NIN: variants seen among roughly 807,000 people sequenced by gnomAD.
NIN encodes glycogen synthase kinase 3 beta-interacting protein.
Under a neutral mutation model 257.6 loss-of-function variants are expected in NIN, and 137 were observed. That is an observed-to-expected ratio of 0.53 (90% CI 0.46 to 0.61). The LOEUF (loss-of-function observed/expected upper bound fraction) is 0.61, where lower values mean the gene tolerates loss of function less well. NIN is among the 20% of genes least tolerant of loss of function. The pLI, the probability that NIN is intolerant of heterozygous loss-of-function variation, is 0.00. For missense variants in NIN, 2,439 were observed against 2,501.2 expected (o/e 0.98, Z 0.53); for synonymous variants, 918 against 919.8 (o/e 1.00, Z 0.04).
In NIN at chr14:50,762,375, C is replaced by G. The variant is rs145928032; in HGVS notation, c.1775-464G>C. ...CTGCGATGCCCTGAGGAGTTAGCTT[C>G]ATGGGTCACACTATCAACAACCCAT... is the stretch of plus-strand genomic sequence containing the variant. On this transcript the variant is annotated intron_variant, in intron 15 of 30. Transcript: ENST00000530997. Among the ~76,000 whole-genome samples, 438 of 152,270 alleles carry G rather than the reference C, an allele frequency of 2.9e-3. 3 individuals are homozygous for G. Among genetic ancestry groups the G allele is most frequent in the African/African-American group, 0.01 (422 of 41,546 alleles).
chr14:50,770,731 GGT>G, intron 11 of NIN, 119 bp downstream of exon 11: 7 of 1,362,862 alleles, frequency 5.1e-6, no homozygotes, highest in Non-Finnish European at 6.9e-6. Flanking sequence ...ACTCCAGCAA[GGT>G]GTGGCCAACA....
Position 50,787,547 on chromosome 14 carries a change from C to T in NIN, c.435+5165G>A, listed in dbSNP as rs891189383. On this transcript the variant is annotated intron_variant, in intron 5 of 30. Coordinates refer to ENST00000530997, the MANE Select transcript of NIN (RefSeq NM_020921.4). ...CTTAGGTTGGAATCAAGAAGGTGCC[C>T]TTTGTTAGTCTGGATTAATTCAGAA... Among the ~76,000 whole-genome samples, 5 of 152,192 alleles carry T rather than the reference C, an allele frequency of 3.3e-5. No homozygotes were observed. In the East Asian group the frequency reaches 9.6e-4, roughly 29 times the overall value.
intron 16 of NIN, 78 bp from the exon 17 acceptor site, chr14:50,760,437 CTTTTTTTTTTTT>C (rs35995624): frequency 1.4e-5 from 6 of 425,606 alleles, no homozygotes; most frequent in South Asian, 1.1e-4. Flanking sequence ...GCAGCAATTG[CTTTTTTTTTTTT>C]TTTTTTTTTC....
chr14:50,746,937 C>A (rs1029535173), intron 22 of NIN, among the ~76,000 whole-genome samples: 2 of 152,208 alleles, frequency 1.3e-5, no homozygotes, highest in African/African-American at 4.8e-5. Flanking sequence ...TCTCAGCTCA[C>A]TGGAGGCTTG....
intron 28 of NIN, among the ~76,000 whole-genome samples, chr14:50,735,267 G>A (rs1244874368): frequency 6.6e-6 from 1 of 152,220 alleles, no homozygotes; most frequent in Non-Finnish European, 1.5e-5. Context: ...TGAATTTGCA[G>A]AGGTACAGGT....
At chr14:50,732,835 C>G (rs995333693) in intron 28 of NIN, among the ~76,000 whole-genome samples, 2 of 151,746 alleles carry the variant, frequency 1.3e-5, no homozygotes, top group Non-Finnish European at 2.9e-5. Context: ...TCAAGTGATT[C>G]TTCTGCCTCA....
At chr14:50,773,654 T>A (rs1051813567) in intron 7 of NIN, among the ~76,000 whole-genome samples, 1 of 152,230 alleles carries the variant, frequency 6.6e-6, no homozygotes, top group Non-Finnish European at 1.5e-5. Flanking sequence ...CTTGTAACAA[T>A]ACTGAGTGTG....
At chr14:50,734,145 A>C (rs1229940112) in intron 28 of NIN, among the ~76,000 whole-genome samples, 1 of 149,982 alleles carries the variant, frequency 6.7e-6, no homozygotes, top group Non-Finnish European at 1.5e-5. Flanking sequence ...GCTGGAGTGC[A>C]ATGACGTGAT....
At chr14:50,759,809 C>G (rs986084203) in intron 17 of NIN, 48 bp downstream of exon 17, 6 of 1,555,090 alleles carry the variant, frequency 3.9e-6, no homozygotes, top group Non-Finnish European at 5.2e-6. Flanking sequence ...CTTCTAATGC[C>G]CCGAGGGATG....
intron 4 of NIN, among the ~76,000 whole-genome samples, chr14:50,800,467 A>C (rs2044048811): frequency 1.3e-5 from 2 of 152,220 alleles, no homozygotes; most frequent in Admixed American, 1.3e-4. Flanking sequence ...GAAACATTTC[A>C]TATTTTTGGA....
In NIN at chr14:50,785,962, G is replaced by A. The variant is rs541370362; in HGVS notation, c.435+6750C>T. On this transcript the variant is annotated intron_variant, in intron 5 of 30. Transcript: ENST00000530997. ...GTTGTCACGACCAGAATGCAAATCAGTGCCTTTATCTTTAAAGGCAATTAA... is the reference window on the plus strand; with the variant it reads ...GTTGTCACGACCAGAATGCAAATCAATGCCTTTATCTTTAAAGGCAATTAA... Among the ~76,000 whole-genome samples, 26 of 152,332 alleles carry A rather than the reference G, an allele frequency of 1.7e-4. No homozygotes were observed. The South Asian group carries it at 1.9e-3, about 11-fold the overall frequency.
rs937688402 is a variant in NIN at position 50,723,030 on chromosome 14, T to C, written c.*433A>G. 130 of 212,602 alleles carry C rather than the reference T, an allele frequency of 6.1e-4. 1 individual carries two copies. The highest frequency in any genetic ancestry group is 1.4e-4 in the Non-Finnish European group (15 of 105,364). 13.2% of individuals were successfully genotyped at this position (212,602 alleles called of 1,614,324 possible). ...AAACTATTATAATGACTTTCCAGTA[T>C]TTAAATATGTAAGAACACCTAAATT... On this transcript the variant is annotated 3_prime_UTR_variant, in exon 31 of 31. Coordinates refer to ENST00000530997, the MANE Select transcript of NIN (RefSeq NM_020921.4).
At chr14:50,779,307 A>G (rs1383591662) in intron 5 of NIN, among the ~76,000 whole-genome samples, 2 of 152,252 alleles carry the variant, frequency 1.3e-5, no homozygotes, top group African/African-American at 4.8e-5. Flanking sequence ...TGCAGACAAG[A>G]AAACAGGAAA....
chr14:50,818,236 A>C (rs61985521), intron 3 of NIN, among the ~76,000 whole-genome samples: 1 of 148,946 alleles, frequency 6.7e-6, no homozygotes, highest in South Asian at 2.1e-4. Context: ...GGCAGGAGAA[A>C]GGCGTGAACC....
At chr14:50,760,438 T>TG in intron 16 of NIN, 79 bp from the exon 17 acceptor site, 1 of 97,592 alleles carries the variant, frequency 1.0e-5, no homozygotes, top group Non-Finnish European at 1.9e-5. Context: ...CAGCAATTGC[T>TG]TTTTTTTTTT....
chr14:50,726,020 T>G lies in NIN; in HGVS notation c.6125A>C (p.Glu2042Ala). 1.2e-6 allele frequency: 2 copies of G among 1,614,112 alleles called. No homozygotes were observed. Among genetic ancestry groups the G allele is most frequent in the Non-Finnish European group, 1.7e-6 (2 of 1,179,966 alleles). The change falls in exon 30 of 31, where the codon GAA becomes GCA. Residue 2042 changes from glutamate to alanine, a missense_variant. Physicochemically the swap from Glu to Ala is moderately radical, Grantham distance 107. This residue lies in a region of NIN where 2,043 missense variants were observed against 2,050.2 expected (regional missense o/e 1.00). Transcript: ENST00000530997. ...CACTAGTTTCAGTTTCTGTTCAACT[T>G]CTATCATTCGTTCCTCCATGACAGT... ...LVTVMEERMIEVEQKLKLVKR... is the reference protein window; with the variant it reads ...LVTVMEERMIAVEQKLKLVKR...
At chr14:50,760,384 A>T in intron 16 of NIN, 25 bp from the exon 17 acceptor site, 1 of 1,568,630 alleles carries the variant, frequency 6.4e-7, no homozygotes, top group Non-Finnish European at 8.6e-7. Flanking sequence ...TGACACCACC[A>T]CAAGATTACT....
chr14:50,750,341 TATCCA>T (rs1019929411), intron 21 of NIN, among the ~76,000 whole-genome samples: 20 of 152,322 alleles, frequency 1.3e-4, no homozygotes, highest in South Asian at 4.1e-4. Context: ...ACCATGAGTT[TATCCA>T]AATACCGCAG....
At chr14:50,778,054 C>T (rs1212085644) in intron 6 of NIN, among the ~76,000 whole-genome samples, 1 of 152,200 alleles carries the variant, frequency 6.6e-6, no homozygotes, top group Non-Finnish European at 1.5e-5. Context: ...GTGAAGTGGG[C>T]TGAGGTTCTG....
Sources: gnomAD v4.1 joint callset for allele counts (sites outside exome capture counted in the v4.1 genomes callset) on GRCh38, gnomAD v4.1.1 for gene constraint, gnomAD v4.1.1 regional missense constraint, MANE v1.5 for transcripts, NCBI Gene and HGNC (gene_info 2026-07-23, HGNC 2026-07-21) for gene names.